SKAP1: variants seen among roughly 807,000 people sequenced by gnomAD.
SKAP1 encodes src kinase-associated phosphoprotein 1.
SKAP1 carries 44 observed loss-of-function variants against 58.5 expected under a neutral mutation model. The observed-to-expected ratio is 0.75, with a 90% CI of 0.59 to 0.97. The LOEUF (loss-of-function observed/expected upper bound fraction) is 0.97, where lower values mean the gene tolerates loss of function less well. Ranked by LOEUF, SKAP1 falls within the 50% of genes least tolerant of loss-of-function variation. The pLI is 0.00. For synonymous variants in SKAP1, 127 were observed against 149.7 expected, an observed-to-expected ratio of 0.85 and a Z score of 1.11; for missense variants, 390 against 435.2, an observed-to-expected ratio of 0.90 and a Z score of 0.92.
intron 2 of SKAP1, among the ~76,000 whole-genome samples, chr17:48,377,954 C>T (rs1035882139): frequency 6.6e-6 from 1 of 152,170 alleles, no homozygotes; most frequent in African/African-American, 2.4e-5. Flanking sequence ...CTTCTCCTAC[C>T]CCTGTGTTCC....
intron 4 of SKAP1, among the ~76,000 whole-genome samples, chr17:48,332,098 T>C (rs887049517): frequency 6.6e-6 from 1 of 152,124 alleles, no homozygotes; most frequent in Non-Finnish European, 1.5e-5. Flanking sequence ...GTTTGTTTTT[T>C]AAAAGCACTT....
intron 4 of SKAP1, among the ~76,000 whole-genome samples, chr17:48,301,005 C>T (rs1296636859): frequency 1.3e-5 from 2 of 152,148 alleles, no homozygotes; most frequent in Non-Finnish European, 2.9e-5. Context: ...CTTTCCAGGA[C>T]CTGATTCTAC....
At chr17:48,148,432 C>T (rs76161869) in intron 11 of SKAP1, among the ~76,000 whole-genome samples, 261 of 152,314 alleles carry the variant, frequency 1.7e-3, no homozygotes, top group Non-Finnish European at 3.2e-3. Context: ...CATTTCGGAG[C>T]TGATAGAATT....
chr17:48,356,772 A>T (rs74638369), intron 3 of SKAP1, among the ~76,000 whole-genome samples: 6,720 of 152,290 alleles, frequency 0.044, 309 homozygotes, highest in South Asian at 0.25. Context: ...ATAGTACCAA[A>T]GAATATTCTC....
At chr17:48,417,732 G>A (rs1291498911) in intron 1 of SKAP1, among the ~76,000 whole-genome samples, 6 of 142,776 alleles carry the variant, frequency 4.2e-5, no homozygotes, top group East Asian at 2.0e-4. Flanking sequence ...GTGACAGAGC[G>A]AGACTTCGTC....
In SKAP1 at chr17:48,372,220, C is replaced by T. The variant is rs377076336; in HGVS notation, c.153-8406G>A. Among the ~76,000 whole-genome samples, 35 of 152,326 alleles carry T rather than the reference C, an allele frequency of 2.3e-4. No homozygotes were observed. The East Asian group carries it at 3.9e-3, about 17-fold the overall frequency. On this transcript the variant is annotated intron_variant, in intron 2 of 12. Transcript: ENST00000336915. ...CTCCTTGCCTCAAGTGATTTACCCA[C>T]CTCAGCCTCCCAAAGTGCTGGGATT...
At chr17:48,335,181 A>T (rs2066553098) in intron 4 of SKAP1, among the ~76,000 whole-genome samples, 1 of 151,936 alleles carries the variant, frequency 6.6e-6, no homozygotes, top group African/African-American at 2.4e-5. Flanking sequence ...ATTTATTCCT[A>T]GAGTTCCCAG....
chr17:48,296,561 G>A (rs899403494), intron 4 of SKAP1, among the ~76,000 whole-genome samples: 1 of 152,124 alleles, frequency 6.6e-6, no homozygotes, highest in African/African-American at 2.4e-5. Context: ...TCTACTTTAA[G>A]TTTGCAAATA....
intron 4 of SKAP1, among the ~76,000 whole-genome samples, chr17:48,283,115 G>A (rs761472047): frequency 3.9e-5 from 6 of 152,150 alleles, no homozygotes; most frequent in Admixed American, 2.0e-4. Flanking sequence ...GCTTAGACGT[G>A]TTGGGCATTT....
chr17:48,245,533 G>C (rs1473707729), intron 4 of SKAP1, among the ~76,000 whole-genome samples: 1 of 152,160 alleles, frequency 6.6e-6, no homozygotes, highest in African/African-American at 2.4e-5. Context: ...ACTTTAAAGA[G>C]AGAAAAATGA....
chr17:48,370,558 A>C (rs2067070712), intron 2 of SKAP1, among the ~76,000 whole-genome samples: 1 of 152,068 alleles, frequency 6.6e-6, no homozygotes, highest in Non-Finnish European at 1.5e-5. Context: ...CAGCCACCCA[A>C]AGTGCTCGGA....
At chr17:48,289,855 T>C (rs2065878403) in intron 4 of SKAP1, among the ~76,000 whole-genome samples, 1 of 152,108 alleles carries the variant, frequency 6.6e-6, no homozygotes. Context: ...ATGAATTTTA[T>C]TTTTTCATCT....
chr17:48,308,231 C>T (rs979037010), intron 4 of SKAP1: 1 of 152,146 alleles, frequency 6.6e-6, no homozygotes, highest in African/African-American at 2.4e-5. Context: ...TCTCTTCACC[C>T]ATCCTTCCAA....
At chr17:48,162,803 A>G (rs1010272887) in intron 10 of SKAP1, 15 of 317,082 alleles carry the variant, frequency 4.7e-5, no homozygotes, top group Non-Finnish European at 8.0e-5. Context: ...ATGCCGTTCA[A>G]CAATATGATA....
At chr17:48,355,379 G>A (rs577867465) in intron 3 of SKAP1, among the ~76,000 whole-genome samples, 29 of 152,180 alleles carry the variant, frequency 1.9e-4, no homozygotes, top group Non-Finnish European at 3.8e-4. Flanking sequence ...TCAGGCTCAA[G>A]TGATCCTCCC....
At chr17:48,339,648 G>A (rs2066621107) in intron 4 of SKAP1, among the ~76,000 whole-genome samples, 1 of 152,060 alleles carries the variant, frequency 6.6e-6, no homozygotes, top group South Asian at 2.1e-4. Context: ...CCTAAATTAT[G>A]CACATTTTAC....
At chr17:48,433,919 C>T (rs1487865683), upstream of SKAP1, among the ~76,000 whole-genome samples, 3 of 152,214 alleles carry the variant, frequency 2.0e-5, no homozygotes, top group Non-Finnish European at 4.4e-5. Flanking sequence ...CAGGAAGAAA[C>T]AAAAGCATCT....
At chr17:48,393,609 C>T (rs2067377164) in intron 2 of SKAP1, among the ~76,000 whole-genome samples, 1 of 152,044 alleles carries the variant, frequency 6.6e-6, no homozygotes, top group Non-Finnish European at 1.5e-5. Flanking sequence ...GCCAAGCCAG[C>T]CATAAAAATA....
intron 4 of SKAP1, among the ~76,000 whole-genome samples, chr17:48,259,376 CTTA>C (rs2065461893): frequency 6.6e-6 from 1 of 151,970 alleles, no homozygotes; most frequent in Admixed American, 6.6e-5. Flanking sequence ...TTATGCATAC[CTTA>C]TTATTATTTA....
Sources: gnomAD v4.1 joint callset for allele counts (sites outside exome capture counted in the v4.1 genomes callset) on GRCh38, gnomAD v4.1.1 for gene constraint, MANE v1.5 for transcripts, NCBI Gene and HGNC (gene_info 2026-07-23, HGNC 2026-07-21) for gene names.